The following RIN2 variants were observed in gnomAD, a reference collection of about 807,000 sequenced individuals.
RIN2 encodes the protein RAB5 interacting protein 2.
A neutral mutation model predicts 78.0 loss-of-function variants in RIN2; 36 were observed. The ratio of observed to expected loss-of-function variants is 0.46; its 90% CI spans 0.35 to 0.61. The LOEUF (loss-of-function observed/expected upper bound fraction) is 0.61. Ranked by LOEUF, RIN2 falls within the 20% of genes least tolerant of loss-of-function variation. The pLI is 0.00. For synonymous variants in RIN2, 466 were observed against 466.8 expected, an observed-to-expected ratio of 1.00 and a Z score of 0.02; for missense variants, 1,087 against 1,159.7, an observed-to-expected ratio of 0.94 and a Z score of 0.91.
intron 10 of RIN2, among the ~76,000 whole-genome samples, chr20:19,990,881 C>T (rs964135432): frequency 6.6e-6 from 1 of 152,166 alleles, no homozygotes; most frequent in African/African-American, 2.4e-5. Context: ...GCTTCATTGG[C>T]TAGCCCTTCT....
chr20:19,942,539 AC>A (rs2146166389), intron 4 of RIN2, among the ~76,000 whole-genome samples: 1 of 152,044 alleles, frequency 6.6e-6, no homozygotes, highest in South Asian at 2.1e-4. Flanking sequence ...CAACACCCTG[AC>A]CCCGACCCCA....
At chr20:19,886,420 C>A in intron 2 of RIN2, 1 of 393,304 alleles carries the variant, frequency 2.5e-6, no homozygotes, top group South Asian at 6.8e-5. Flanking sequence ...ACTGAGTTTA[C>A]TATAAAGTGA....
At chr20:19,793,472 G>A (rs961038241) in intron 1 of RIN2, among the ~76,000 whole-genome samples, 1 of 152,124 alleles carries the variant, frequency 6.6e-6, no homozygotes, top group Non-Finnish European at 1.5e-5. Flanking sequence ...CAGAGAGGGA[G>A]ATGGCAATGC....
At chr20:19,854,718 G>T (rs1029564542) in intron 2 of RIN2, among the ~76,000 whole-genome samples, 10 of 152,238 alleles carry the variant, frequency 6.6e-5, no homozygotes, top group African/African-American at 2.4e-4. Flanking sequence ...TGTGATTTTT[G>T]CACATTGATT....
intron 5 of RIN2, 131 bp from the exon 6 acceptor site, chr20:19,960,569 G>C (rs1401597523): frequency 1.4e-6 from 1 of 703,302 alleles, no homozygotes; most frequent in South Asian, 1.6e-5. Context: ...TATGGCAGGA[G>C]AGTTTCCTGC....
chr20:19,867,367 C>T (rs2037542499), intron 2 of RIN2, among the ~76,000 whole-genome samples: 1 of 152,182 alleles, frequency 6.6e-6, no homozygotes. Flanking sequence ...TGATGCAATA[C>T]TTTAATCTGT....
intron 2 of RIN2, among the ~76,000 whole-genome samples, chr20:19,833,499 A>G (rs2036313953): frequency 6.6e-6 from 1 of 152,170 alleles, no homozygotes; most frequent in Non-Finnish European, 1.5e-5. Context: ...CCAGTTAAGT[A>G]CAAATGTCCC....
At chr20:19,789,061 A>G (rs938996205) in intron 1 of RIN2, among the ~76,000 whole-genome samples, 1 of 152,264 alleles carries the variant, frequency 6.6e-6, no homozygotes, top group Admixed American at 6.5e-5. Flanking sequence ...GAACAAGGAT[A>G]GACAAATAGG....
At chr20:19,880,248 C>CT (rs2037980163) in intron 2 of RIN2, among the ~76,000 whole-genome samples, 1 of 100,592 alleles carries the variant, frequency 9.9e-6, no homozygotes, top group Admixed American at 1.1e-4. Context: ...GAGACTCTGT[C>CT]TTAAAAAAAA....
rs148844501 is a variant in RIN2 at position 19,860,164 on chromosome 20, G to A, written c.-36-29402G>A. Among the ~76,000 whole-genome samples the A allele has an allele frequency of 1.6e-3, 241 of 152,240 alleles. 1 individual carries two copies. The highest frequency in any genetic ancestry group is 5.2e-3 in the African/African-American group (216 of 41,546). On this transcript the variant is annotated intron_variant, in intron 2 of 12. Coordinates refer to ENST00000255006, the MANE Select transcript of RIN2 (RefSeq NM_018993.4). ...CTTCTGGCCTTCCATAGGTGTGATA[G>A]CATTAGGTCCCACCACCAGAGAAAA...
intron 3 of RIN2, among the ~76,000 whole-genome samples, chr20:19,930,934 C>A (rs776468543): frequency 6.6e-6 from 1 of 152,204 alleles, no homozygotes. Context: ...CAAATGTCAT[C>A]ATTTCGCCAT....
chr20:19,858,655 C>T (rs2037239661), intron 2 of RIN2, among the ~76,000 whole-genome samples: 1 of 152,192 alleles, frequency 6.6e-6, no homozygotes, highest in Non-Finnish European at 1.5e-5. Context: ...ATAATCCCTT[C>T]TTGACCATAT....
intron 2 of RIN2, among the ~76,000 whole-genome samples, chr20:19,808,198 A>G (rs567599053): frequency 3.3e-5 from 5 of 152,238 alleles, no homozygotes; most frequent in Admixed American, 1.3e-4. Context: ...GCGTGCCGTT[A>G]AGATGCCTGC....
At chr20:19,895,981 A>G (rs1390021893) in intron 3 of RIN2, 1 of 152,184 alleles carries the variant, frequency 6.6e-6, no homozygotes, top group East Asian at 1.9e-4. Context: ...TCAATCATTC[A>G]GAACTGGTCC....
At chr20:19,922,907 C>A (rs866393075) in intron 3 of RIN2, among the ~76,000 whole-genome samples, 2 of 152,214 alleles carry the variant, frequency 1.3e-5, no homozygotes, top group African/African-American at 2.4e-5. Context: ...AGCCCTCCCC[C>A]CACCAGCACA....
intron 3 of RIN2, among the ~76,000 whole-genome samples, chr20:19,889,900 G>A (rs1293355477): frequency 6.6e-6 from 1 of 152,164 alleles, no homozygotes; most frequent in Non-Finnish European, 1.5e-5. Flanking sequence ...TGTGCAAGAC[G>A]GCTGAGGCTG....
intron 1 of RIN2, among the ~76,000 whole-genome samples, chr20:19,788,439 A>AAAAAAAAAAAACAAAAAAAC (rs1555818733): frequency 7.5e-6 from 1 of 132,994 alleles, no homozygotes; most frequent in African/African-American, 3.3e-5. Flanking sequence ...TGCCAAAAAA[A>AAAAAAAAAAAACAAAAAAAC]AAAAAAAAAA....
chr20:19,776,495 G>T (rs2034314781), intron 1 of RIN2, among the ~76,000 whole-genome samples: 1 of 152,184 alleles, frequency 6.6e-6, no homozygotes, highest in African/African-American at 2.4e-5. Flanking sequence ...CCTTTGGGAG[G>T]CTGAGGCAGA....
chr20:19,869,703 C>T (rs141289971), intron 2 of RIN2, among the ~76,000 whole-genome samples: 2,502 of 151,676 alleles, frequency 0.016, 33 homozygotes, highest in Middle Eastern at 0.031. Context: ...ACAGCTACTG[C>T]AGCCTCGAAC....
Sources: gnomAD v4.1 joint callset for allele counts (sites outside exome capture counted in the v4.1 genomes callset) on GRCh38, gnomAD v4.1.1 for gene constraint, MANE v1.5 for transcripts, NCBI Gene and HGNC (gene_info 2026-07-23, HGNC 2026-07-21) for gene names.